The following DNAJC1 variants were observed in gnomAD, a reference collection of about 807,000 sequenced individuals.
The protein encoded by DNAJC1 is DnaJ heat shock protein family (Hsp40) member C1, also known as dnaJ homolog subfamily C member 1.
DNAJC1 carries 58 observed loss-of-function variants against 76.6 expected under a neutral mutation model. The ratio of observed to expected loss-of-function variants is 0.76; its 90% CI spans 0.61 to 0.94. The LOEUF (loss-of-function observed/expected upper bound fraction) is 0.94. Ranked by LOEUF, DNAJC1 falls within the 40% of genes least tolerant of loss-of-function variation. The probability of loss-of-function intolerance (pLI) is 0.00; values close to 1 mark genes in which losing one functional copy is unlikely to be tolerated. For synonymous variants in DNAJC1, 258 were observed against 267.9 expected (o/e 0.96, Z 0.36); for missense variants, 689 against 677.3 (o/e 1.02, Z -0.19).
intron 1 of DNAJC1, among the ~76,000 whole-genome samples, chr10:21,986,840 T>C (rs948932497): frequency 1.3e-5 from 2 of 152,150 alleles, no homozygotes; most frequent in African/African-American, 4.8e-5. Context: ...CGATCTCAGC[T>C]CACTGCAAAC....
At chr10:21,844,823 G>A (rs185438578) in intron 8 of DNAJC1, among the ~76,000 whole-genome samples, 4 of 152,240 alleles carry the variant, frequency 2.6e-5, no homozygotes, top group South Asian at 2.1e-4. Flanking sequence ...TCAATTGAAC[G>A]TGAGCTCAAT....
At chr10:21,841,753 G>T (rs945299892) in intron 8 of DNAJC1, among the ~76,000 whole-genome samples, 2 of 152,088 alleles carry the variant, frequency 1.3e-5, no homozygotes, top group African/African-American at 4.8e-5. Context: ...CCATTACTGG[G>T]TATATACCCA....
At chr10:21,898,350 T>C (rs2131738329) in intron 7 of DNAJC1, among the ~76,000 whole-genome samples, 1 of 152,264 alleles carries the variant, frequency 6.6e-6, no homozygotes, top group African/African-American at 2.4e-5. Context: ...GGTCCACATA[T>C]ATGATGGTGG....
intron 7 of DNAJC1, among the ~76,000 whole-genome samples, chr10:21,902,600 C>T (rs1033239592): frequency 3.9e-5 from 6 of 151,940 alleles, no homozygotes; most frequent in Non-Finnish European, 5.9e-5. Flanking sequence ...CCACTGTGCC[C>T]GGCCAAGAGG....
At chr10:21,935,691 A>G (rs1451969733) in intron 1 of DNAJC1, among the ~76,000 whole-genome samples, 1 of 152,146 alleles carries the variant, frequency 6.6e-6, no homozygotes, top group African/African-American at 2.4e-5. Flanking sequence ...CATTAGAATC[A>G]AAATGTTAAA....
At chr10:21,878,878 C>T (rs1036755321) in intron 8 of DNAJC1, among the ~76,000 whole-genome samples, 35 of 151,874 alleles carry the variant, frequency 2.3e-4, no homozygotes, top group African/African-American at 7.5e-4. Flanking sequence ...TTCATTATAG[C>T]CCCAAACTGA....
intron 8 of DNAJC1, among the ~76,000 whole-genome samples, chr10:21,823,753 A>G (rs560171050): frequency 2.0e-5 from 3 of 151,502 alleles, no homozygotes; most frequent in Non-Finnish European, 4.4e-5. Context: ...AAAAAAAAAA[A>G]GCAGAAAAAT....
intron 1 of DNAJC1, among the ~76,000 whole-genome samples, chr10:21,941,015 G>C (rs1837398609): frequency 6.6e-6 from 1 of 150,588 alleles, no homozygotes; most frequent in African/African-American, 2.4e-5. Context: ...ACTTTGGGAG[G>C]CCAAGGCGGG....
At chr10:21,839,732 T>C (rs1413603821) in intron 8 of DNAJC1, among the ~76,000 whole-genome samples, 1 of 152,050 alleles carries the variant, frequency 6.6e-6, no homozygotes, top group Non-Finnish European at 1.5e-5. Context: ...AAAGAGGGAA[T>C]CCTCCCTAAC....
At chr10:21,918,018 T>C (rs987549256) in intron 6 of DNAJC1, among the ~76,000 whole-genome samples, 1 of 151,980 alleles carries the variant, frequency 6.6e-6, no homozygotes, top group African/African-American at 2.4e-5. Context: ...ACTTATTTTC[T>C]AAAATAAAAC....
At chr10:21,951,983 C>T (rs1236491453) in intron 1 of DNAJC1, among the ~76,000 whole-genome samples, 1 of 152,142 alleles carries the variant, frequency 6.6e-6, no homozygotes, top group Non-Finnish European at 1.5e-5. Flanking sequence ...GAGACTGTTA[C>T]TACTGAGGTG....
intron 1 of DNAJC1, among the ~76,000 whole-genome samples, chr10:21,936,300 G>A (rs549677159): frequency 2.0e-5 from 3 of 152,140 alleles, no homozygotes; most frequent in Non-Finnish European, 4.4e-5. Context: ...CTCTAGAACC[G>A]TGAGCAACAA....
chr10:21,852,357 T>G (rs536335518), intron 8 of DNAJC1, among the ~76,000 whole-genome samples: 4 of 152,264 alleles, frequency 2.6e-5, no homozygotes, highest in Admixed American at 2.6e-4. Flanking sequence ...TGGGTACAGT[T>G]TCCTTTTGAG....
intron 8 of DNAJC1, chr10:21,860,977 A>G (rs1336663272): frequency 6.6e-6 from 1 of 152,246 alleles, no homozygotes; most frequent in Non-Finnish European, 1.5e-5. Context: ...AACCCAGGAG[A>G]GCAAATGCTG....
intron 8 of DNAJC1, among the ~76,000 whole-genome samples, chr10:21,836,518 G>C (rs1029390645): frequency 4.6e-5 from 7 of 152,148 alleles, no homozygotes; most frequent in Non-Finnish European, 1.5e-5. Context: ...CTCCAATTAA[G>C]AGACACAGAC....
At chr10:21,778,431 C>G (rs563409409) in intron 9 of DNAJC1, among the ~76,000 whole-genome samples, 3 of 152,128 alleles carry the variant, frequency 2.0e-5, no homozygotes, top group African/African-American at 7.2e-5. Context: ...ATGAAATATC[C>G]CAAATACCAA....
chr10:21,963,877 G>T (rs920774484), intron 1 of DNAJC1, among the ~76,000 whole-genome samples: 1 of 151,100 alleles, frequency 6.6e-6, no homozygotes, highest in Admixed American at 6.6e-5. Flanking sequence ...TTCCTTTCTT[G>T]ACTTTATTTA....
At chr10:21,911,031 AAGAG>A (rs1418824021) in intron 6 of DNAJC1, among the ~76,000 whole-genome samples, 41 of 126,994 alleles carry the variant, frequency 3.2e-4, no homozygotes, top group Non-Finnish European at 5.9e-4. Flanking sequence ...AAGAGAAAGA[AAGAG>A]AGAGAAAGGA....
Position 21,964,302 on chromosome 10 carries a change from C to T in DNAJC1, c.223-35161G>A, listed in dbSNP as rs182136481. Among the ~76,000 whole-genome samples, 4 of 152,224 alleles carry T rather than the reference C, an allele frequency of 2.6e-5. No individual in the cohort carries two copies. The East Asian group carries it at 7.7e-4, about 29-fold the overall frequency. The stretch of plus-strand genomic sequence containing the variant: ...CGATCTCGGCCCACTGCAACCTCCA[C>T]CTCCCGGGCTGAAGCAATCCTCCCA... On this transcript the variant is annotated intron_variant, in intron 1 of 11. Transcript: ENST00000376980.
Sources: gnomAD v4.1 joint callset for allele counts (sites outside exome capture counted in the v4.1 genomes callset) on GRCh38, gnomAD v4.1.1 for gene constraint, MANE v1.5 for transcripts, NCBI Gene and HGNC (gene_info 2026-07-23, HGNC 2026-07-21) for gene names.